Variants in CFAP92 observed in about 807,000 individuals in gnomAD.
CFAP92 encodes cilia and flagella associated protein 92 (putative).
A neutral mutation model predicts 106.3 loss-of-function variants in CFAP92; 86 were observed. That is an observed-to-expected ratio of 0.81 (90% CI 0.68 to 0.97). The LOEUF (loss-of-function observed/expected upper bound fraction) is 0.97, where lower values mean the gene tolerates loss of function less well. Among genes scored for constraint, CFAP92 ranks in the 50% least tolerant of loss-of-function variants. The probability of loss-of-function intolerance (pLI) is 0.00; values close to 1 mark genes in which losing one functional copy is unlikely to be tolerated. For missense variants in CFAP92, 1,204 were observed against 1,283.8 expected (o/e 0.94, Z 0.95); for synonymous variants, 477 against 506.4 (o/e 0.94, Z 0.78).
intron 12 of CFAP92, among the ~76,000 whole-genome samples, chr3:128,923,254 A>G (rs965398998): frequency 2.6e-5 from 4 of 152,204 alleles, no homozygotes; most frequent in African/African-American, 9.6e-5. Flanking sequence ...AGTACGAGCC[A>G]TGGGCCAGTT....
At chr3:128,994,079 G>T, upstream of CFAP92, 2 of 985,872 alleles carry the variant, frequency 2.0e-6, no homozygotes, top group Non-Finnish European at 2.4e-6. Flanking sequence ...CCAAGACTGA[G>T]AGGAGCGTCC....
chr3:128,969,132 C>T (rs1576571224), intron 8 of CFAP92: 1 of 150,596 alleles, frequency 6.6e-6, no homozygotes, highest in South Asian at 2.1e-4. Flanking sequence ...TTGTAATTCT[C>T]CCCACCCTTG....
At chr3:128,970,019 C>T (rs567885173) in intron 8 of CFAP92, 2 of 152,194 alleles carry the variant, frequency 1.3e-5, no homozygotes, top group Admixed American at 1.3e-4. Flanking sequence ...CTCTGAGAGG[C>T]TGAAGCAGGA....
At chr3:128,930,592 A>AG (rs1366580718) in intron 12 of CFAP92, among the ~76,000 whole-genome samples, 1 of 151,938 alleles carries the variant, frequency 6.6e-6, no homozygotes, top group Non-Finnish European at 1.5e-5. Context: ...CTCTACTAAA[A>AG]ATACAAAAAT....
intron 6 of CFAP92, among the ~76,000 whole-genome samples, chr3:128,976,621 G>A (rs922807598): frequency 1.3e-5 from 2 of 152,078 alleles, no homozygotes; most frequent in African/African-American, 2.4e-5. Flanking sequence ...CAGGATGGCT[G>A]GAGACTCAGG....
At chr3:128,979,334 T>C (rs1286607552) in intron 4 of CFAP92, among the ~76,000 whole-genome samples, 1 of 152,178 alleles carries the variant, frequency 6.6e-6, no homozygotes, top group African/African-American at 2.4e-5. Context: ...AGGAACACTT[T>C]TACACTGTTG....
chr3:129,023,184 G>C, the CFAP92 span, among the ~76,000 whole-genome samples: 1 of 152,212 alleles, frequency 6.6e-6, no homozygotes, highest in African/African-American at 2.4e-5. Context: ...GGTTTGGGGA[G>C]CTCAGCCTGC....
intron 15 of CFAP92, among the ~76,000 whole-genome samples, chr3:128,913,877 T>C (rs1174902445): frequency 6.6e-6 from 1 of 152,178 alleles, no homozygotes; most frequent in African/African-American, 2.4e-5. Flanking sequence ...AGAGTTTCTT[T>C]GCACAGGAGA....
At chr3:129,010,232 C>G in the CFAP92 span, among the ~76,000 whole-genome samples, 3 of 152,256 alleles carry the variant, frequency 2.0e-5, no homozygotes, top group African/African-American at 4.8e-5. The surrounding 1 kb of genome is among the most constrained non-coding windows in gnomAD (Gnocchi z 4.3). Context: ...TGTGACATCT[C>G]GTCCTTTTGA....
intron 12 of CFAP92, among the ~76,000 whole-genome samples, chr3:128,919,585 AAC>A (rs1937100953): frequency 6.6e-6 from 1 of 152,230 alleles, no homozygotes; most frequent in Non-Finnish European, 1.5e-5. Context: ...CAACCAAGGC[AAC>A]CAGGATTTGA....
chr3:128,947,301 A>G (rs539431875), intron 9 of CFAP92, among the ~76,000 whole-genome samples: 5 of 152,338 alleles, frequency 3.3e-5, no homozygotes, highest in African/African-American at 9.6e-5. Context: ...TATAGCAAAG[A>G]TGTCAACTCT....
At chr3:129,006,005 T>G (rs1483790446), upstream of CFAP92, among the ~76,000 whole-genome samples, 1 of 152,274 alleles carries the variant, frequency 6.6e-6, no homozygotes, top group Non-Finnish European at 1.5e-5. Flanking sequence ...CATAGCCCTT[T>G]ACAATAGAAA....
upstream of CFAP92, among the ~76,000 whole-genome samples, chr3:129,005,957 C>T (rs1945056429): frequency 6.6e-6 from 1 of 152,266 alleles, no homozygotes; most frequent in Non-Finnish European, 1.5e-5. Context: ...ACAACTAGTC[C>T]TCTATAGCAG....
chr3:129,019,548 A>G, the CFAP92 span, among the ~76,000 whole-genome samples: 1 of 152,042 alleles, frequency 6.6e-6, no homozygotes, highest in African/African-American at 2.4e-5. Flanking sequence ...TAGTACAAAC[A>G]AGAGAGAACT....
chr3:129,022,137 T>C, the CFAP92 span, among the ~76,000 whole-genome samples: 1 of 152,194 alleles, frequency 6.6e-6, no homozygotes, highest in African/African-American at 2.4e-5. Flanking sequence ...CATATCTATA[T>C]AGAACCTGTA....
chr3:128,943,920 G>GTTTTTTTTTTTTTTTTT (rs768570835), intron 10 of CFAP92, among the ~76,000 whole-genome samples: 1 of 110,134 alleles, frequency 9.1e-6, no homozygotes. Flanking sequence ...TATTTCCCCC[G>GTTTTTTTTTTTTTTTTT]TTTTTTTTTT....
At chr3:128,932,378 T>TACACACACACACACACACACACAC (rs112536236) in intron 12 of CFAP92, among the ~76,000 whole-genome samples, 1,610 of 147,514 alleles carry the variant, frequency 0.011, 27 homozygotes, top group South Asian at 0.077. Flanking sequence ...AGCAACATGT[T>TACACACACACACACACACACACAC]ACACACACAC....
intron 9 of CFAP92, among the ~76,000 whole-genome samples, chr3:128,952,261 G>T (rs1402460099): frequency 6.7e-6 from 1 of 150,172 alleles, no homozygotes; most frequent in Non-Finnish European, 1.5e-5. Flanking sequence ...CTCTTGAATA[G>T]CTGGGCTACA....
At chr3:128,987,123 C>T (rs1046471823) in intron 4 of CFAP92, among the ~76,000 whole-genome samples, 12 of 151,956 alleles carry the variant, frequency 7.9e-5, no homozygotes, top group South Asian at 4.2e-4. Context: ...ATCGCACCAC[C>T]GCACTCCAGC....
Sources: allele counts gnomAD v4.1 joint callset (sites outside exome capture counted in the v4.1 genomes callset), GRCh38; gene constraint gnomAD v4.1.1; non-coding constraint Gnocchi (gnomAD v3.1); transcripts MANE v1.5; gene names NCBI Gene and HGNC (gene_info 2026-07-23, HGNC 2026-07-21).